The following DTNA variants were observed in gnomAD, a reference collection of about 807,000 sequenced individuals.
The protein encoded by DTNA is dystrophin-related protein 3.
DTNA carries 43 observed loss-of-function variants against 100.7 expected under a neutral mutation model. The ratio of observed to expected loss-of-function variants is 0.43; its 90% CI spans 0.33 to 0.55. The LOEUF is 0.55. Among genes scored for constraint, DTNA ranks in the 20% least tolerant of loss-of-function variants. DTNA has a pLI of 0.04. For synonymous variants in DTNA, 349 were observed against 347.9 expected (o/e 1.00, Z -0.04); for missense variants, 798 against 953.9 (o/e 0.84, Z 2.15).
intron 17 of DTNA, among the ~76,000 whole-genome samples, 158 bp downstream of exon 17, chr18:34,864,220 G>C (rs1041442753): frequency 6.6e-6 from 1 of 151,454 alleles, no homozygotes; most frequent in South Asian, 2.1e-4. Context: ...GACCAGTGTA[G>C]CAGTAGCTGT....
intron 3 of DTNA, among the ~76,000 whole-genome samples, chr18:34,778,174 A>G (rs551605768): frequency 1.4e-4 from 21 of 152,326 alleles, no homozygotes; most frequent in South Asian, 4.1e-4. Flanking sequence ...ACTTAAGAGC[A>G]TCATTCTAAA....
intron 4 of DTNA, among the ~76,000 whole-genome samples, chr18:34,794,986 T>C (rs2094908459): frequency 6.6e-6 from 1 of 152,194 alleles, no homozygotes; most frequent in African/African-American, 2.4e-5. Flanking sequence ...CAAAGGTTTC[T>C]TTACCAAGGT....
intron 1 of DTNA, among the ~76,000 whole-genome samples, chr18:34,564,509 G>T (rs887181573): frequency 3.9e-5 from 6 of 152,198 alleles, no homozygotes; most frequent in Middle Eastern, 3.2e-3. Flanking sequence ...CTTATTTATT[G>T]TTGGGGAAAA....
At chr18:34,703,509 A>G (rs1303632136) in intron 1 of DTNA, among the ~76,000 whole-genome samples, 2 of 152,060 alleles carry the variant, frequency 1.3e-5, no homozygotes, top group Non-Finnish European at 2.9e-5. Context: ...TCACCATCTT[A>G]CCTTTTCCAG....
intron 4 of DTNA, among the ~76,000 whole-genome samples, chr18:34,797,860 T>G (rs914764809): frequency 2.0e-5 from 3 of 152,156 alleles, no homozygotes; most frequent in Non-Finnish European, 4.4e-5. Context: ...TTTATATGAC[T>G]GCCTCCCAAA....
At chr18:34,835,578 A>T (rs893880371) in intron 11 of DTNA, among the ~76,000 whole-genome samples, 1 of 152,110 alleles carries the variant, frequency 6.6e-6, no homozygotes, top group Admixed American at 6.5e-5. Context: ...ATTTGAAGAA[A>T]AAAAAAAGGA....
chr18:34,747,145 TAA>T (rs1396915330), intron 1 of DTNA, among the ~76,000 whole-genome samples: 1 of 151,592 alleles, frequency 6.6e-6, no homozygotes, highest in African/African-American at 2.4e-5. Flanking sequence ...TATATTCCTC[TAA>T]AAGAAATAAA....
intron 14 of DTNA, among the ~76,000 whole-genome samples, 200 bp from the exon 15 acceptor site, chr18:34,851,631 C>G (rs921483997): frequency 4.6e-5 from 7 of 152,290 alleles, no homozygotes; most frequent in African/African-American, 1.4e-4. Context: ...GTTCTGCCTT[C>G]CACCTCACAG....
At chr18:34,740,957 T>C (rs2090536419) in intron 1 of DTNA, among the ~76,000 whole-genome samples, 2 of 152,318 alleles carry the variant, frequency 1.3e-5, no homozygotes, top group Non-Finnish European at 2.9e-5. Flanking sequence ...ACAGGCATCA[T>C]GAATCAGAGG....
chr18:34,538,701 C>T (rs999554498), intron 1 of DTNA, among the ~76,000 whole-genome samples: 1 of 151,834 alleles, frequency 6.6e-6, no homozygotes, highest in Non-Finnish European at 1.5e-5. Flanking sequence ...TGGTAAATAC[C>T]CCATACATGT....
intron 1 of DTNA, among the ~76,000 whole-genome samples, chr18:34,718,680 G>T (rs2084585967): frequency 6.6e-6 from 1 of 152,188 alleles, no homozygotes; most frequent in African/African-American, 2.4e-5. Context: ...AGGAGGTGGA[G>T]TATGGTCTTG....
At chr18:34,502,822 G>T (rs2040072244) in intron 1 of DTNA, among the ~76,000 whole-genome samples, 1 of 152,168 alleles carries the variant, frequency 6.6e-6, no homozygotes, top group Non-Finnish European at 1.5e-5. Context: ...AGAAAAGAAT[G>T]TATATTTGGC....
At chr18:34,727,633 T>A (rs533174137) in intron 1 of DTNA, among the ~76,000 whole-genome samples, 1 of 152,120 alleles carries the variant, frequency 6.6e-6, no homozygotes, top group Non-Finnish European at 1.5e-5. Context: ...GCCTCAATCT[T>A]GGCTCACTGC....
chr18:34,733,855 C>T (rs1192834411), intron 1 of DTNA, among the ~76,000 whole-genome samples: 1 of 152,148 alleles, frequency 6.6e-6, no homozygotes, highest in Non-Finnish European at 1.5e-5. Context: ...CATATTTCAG[C>T]TAACCAAGCA....
intron 1 of DTNA, among the ~76,000 whole-genome samples, chr18:34,666,341 A>G (rs2075922389): frequency 6.6e-6 from 1 of 151,530 alleles, no homozygotes; most frequent in Admixed American, 6.6e-5. Flanking sequence ...AGATGAGTAG[A>G]TTGCAAAAAT....
intron 3 of DTNA, among the ~76,000 whole-genome samples, chr18:34,791,643 C>T (rs1031928): frequency 6.6e-6 from 1 of 152,214 alleles, no homozygotes; most frequent in African/African-American, 2.4e-5. Flanking sequence ...TACAGAAAAG[C>T]TTGCAAATTT....
At chr18:34,670,271 A>G (rs1026902346) in intron 1 of DTNA, among the ~76,000 whole-genome samples, 1 of 152,168 alleles carries the variant, frequency 6.6e-6, no homozygotes, top group Non-Finnish European at 1.5e-5. Context: ...TTTCAGCTCC[A>G]TCAGGTCCTT....
chr18:34,570,797 G>A (rs183928893), intron 1 of DTNA, among the ~76,000 whole-genome samples: 55 of 152,264 alleles, frequency 3.6e-4, no homozygotes, highest in Admixed American at 1.6e-3. Context: ...AGTTGTTGAG[G>A]AAGTTTAAAA....
At chr18:34,589,453 CA>C (rs1009116655) in intron 1 of DTNA, among the ~76,000 whole-genome samples, 3 of 151,732 alleles carry the variant, frequency 2.0e-5, no homozygotes, top group African/African-American at 7.3e-5. Flanking sequence ...CTAAAAAATA[CA>C]AAAAATTAGC....
Sources: gnomAD v4.1 joint callset for allele counts (sites outside exome capture counted in the v4.1 genomes callset) on GRCh38, gnomAD v4.1.1 for gene constraint, MANE v1.5 for transcripts, NCBI Gene and HGNC (gene_info 2026-07-23, HGNC 2026-07-21) for gene names.